The following PHF21B variants were observed in gnomAD, a reference collection of about 807,000 sequenced individuals.
The protein encoded by PHF21B is PHD finger protein 21B.
In PHF21B, 22 loss-of-function variants were observed where a neutral mutation model predicts 62.2. That is an observed-to-expected ratio of 0.35 (90% CI 0.25 to 0.51). The LOEUF (loss-of-function observed/expected upper bound fraction) is 0.51. Ranked by LOEUF, PHF21B falls within the 20% of genes least tolerant of loss-of-function variation. PHF21B has a pLI of 0.97. For synonymous variants in PHF21B, 341 were observed against 314.7 expected (o/e 1.08, Z -0.88); for missense variants, 701 against 707.9 (o/e 0.99, Z 0.11).
At chr22:45,006,839 C>A (rs573729080) in intron 2 of PHF21B, among the ~76,000 whole-genome samples, 1 of 151,148 alleles carries the variant, frequency 6.6e-6, no homozygotes, top group African/African-American at 2.4e-5. Flanking sequence ...CACACTGGAC[C>A]AGATCTGGTG....
Position 44,993,549 on chromosome 22 carries a change from C to A in PHF21B, c.120+14996G>T, listed in dbSNP as rs370688404. 4.1e-4 allele frequency among the ~76,000 whole-genome samples: 62 copies of A among 152,378 alleles called. No individual in the cohort carries two copies. The East Asian group carries it at 0.012, about 29-fold the overall frequency. On this transcript the variant is annotated intron_variant, in intron 2 of 12. Transcript: ENST00000313237. ...AGAACAGCGAGTCCAGAACCGCTCCCACACACGGCAACGTGCAGTTGACAC... is the reference window on the plus strand; with the variant it reads ...AGAACAGCGAGTCCAGAACCGCTCCAACACACGGCAACGTGCAGTTGACAC...
chr22:44,926,546 C>T (rs965473561), intron 2 of PHF21B, among the ~76,000 whole-genome samples: 3 of 152,226 alleles, frequency 2.0e-5, no homozygotes, highest in Non-Finnish European at 4.4e-5. Flanking sequence ...TCCAAGCCCA[C>T]ATGTGCCTCT....
chr22:44,963,094 C>G (rs540691805), intron 2 of PHF21B, among the ~76,000 whole-genome samples: 3 of 152,252 alleles, frequency 2.0e-5, no homozygotes, highest in African/African-American at 7.2e-5. Flanking sequence ...CCAGATCCCT[C>G]CTCGTAACAG....
rs182100113 is a variant in PHF21B at position 44,960,041 on chromosome 22, C to T, written c.121-39551G>A. On this transcript the variant is annotated intron_variant, in intron 2 of 12. Transcript: ENST00000313237. ...CTCAGCACCGGACGTGTCTCTAGTC[C>T]TGCAACCCTCTCTAATGGCTGAAAC... Among the ~76,000 whole-genome samples the T allele has an allele frequency of 2.5e-3, 382 of 152,324 alleles. 5 individuals are homozygous for T. Among genetic ancestry groups the T allele is most frequent in the South Asian group, 0.017 (81 of 4,826 alleles).
intron 3 of PHF21B, among the ~76,000 whole-genome samples, chr22:44,918,041 T>C (rs2071469949): frequency 6.6e-6 from 1 of 152,246 alleles, no homozygotes; most frequent in Non-Finnish European, 1.5e-5. Flanking sequence ...ACTCTGTCCT[T>C]GGCACCAGAG....
At chr22:45,004,577 T>A (rs1156548696) in intron 2 of PHF21B, among the ~76,000 whole-genome samples, 1 of 152,226 alleles carries the variant, frequency 6.6e-6, no homozygotes, top group Non-Finnish European at 1.5e-5. Context: ...ACTGGCACTT[T>A]ACATCAGAGA....
chr22:45,000,191 CAAAGTT>C (rs1569284603), intron 2 of PHF21B, among the ~76,000 whole-genome samples: 2 of 152,238 alleles, frequency 1.3e-5, no homozygotes, highest in African/African-American at 4.8e-5. Flanking sequence ...CTCTCGGAGA[CAAAGTT>C]AAAAGCCTTC....
intron 2 of PHF21B, among the ~76,000 whole-genome samples, chr22:44,945,236 C>G (rs2072043550): frequency 6.6e-6 from 1 of 152,218 alleles, no homozygotes; most frequent in Non-Finnish European, 1.5e-5. Context: ...TTGGGAGGCC[C>G]ATGGGCACCT....
intron 8 of PHF21B, among the ~76,000 whole-genome samples, chr22:44,890,063 C>A (rs12159861): frequency 6.6e-6 from 1 of 150,650 alleles, no homozygotes; most frequent in Non-Finnish European, 1.5e-5. Context: ...TATCACAAGG[C>A]CCCCATGACA....
chr22:44,900,887 G>A (rs1430515682), intron 5 of PHF21B, among the ~76,000 whole-genome samples: 2 of 150,894 alleles, frequency 1.3e-5, no homozygotes, highest in East Asian at 2.0e-4. Flanking sequence ...TTTTCCCCCT[G>A]GAGCACACAT....
intron 6 of PHF21B, among the ~76,000 whole-genome samples, chr22:44,894,504 C>T (rs867214745): frequency 6.6e-6 from 1 of 152,148 alleles, no homozygotes; most frequent in African/African-American, 2.4e-5. Context: ...TCTGTGGCAC[C>T]GTGGTTTCGG....
In PHF21B at chr22:44,940,191, T is replaced by C. The variant is rs545004269; in HGVS notation, c.121-19701A>G. ...CTTAGATCACCAGTTTTTCCGCACCTCCTCTTGGCAAGAGGGCCTGAACCT... is the reference window on the plus strand; with the variant it reads ...CTTAGATCACCAGTTTTTCCGCACCCCCTCTTGGCAAGAGGGCCTGAACCT... On this transcript the variant is annotated intron_variant, in intron 2 of 12. Coordinates refer to ENST00000313237, the MANE Select transcript of PHF21B (RefSeq NM_138415.5). Among the ~76,000 whole-genome samples the C allele has an allele frequency of 3.4e-4, 51 of 152,226 alleles. 1 individual carries two copies. The South Asian group carries it at 0.01, about 31-fold the overall frequency.
At chr22:44,951,634 T>A (rs1046437960) in intron 2 of PHF21B, among the ~76,000 whole-genome samples, 6 of 152,262 alleles carry the variant, frequency 3.9e-5, no homozygotes, top group Non-Finnish European at 8.8e-5. Context: ...TTTTCATTGC[T>A]GCATAGTATT....
chr22:44,943,447 G>A (rs773989214), intron 2 of PHF21B, among the ~76,000 whole-genome samples: 11 of 152,170 alleles, frequency 7.2e-5, no homozygotes, highest in Non-Finnish European at 1.5e-4. Context: ...GTTTGGGAAC[G>A]ATGAGCATGT....
At chr22:44,956,626 C>A (rs762556113) in intron 2 of PHF21B, among the ~76,000 whole-genome samples, 8 of 150,996 alleles carry the variant, frequency 5.3e-5, no homozygotes, top group Non-Finnish European at 1.0e-4. Flanking sequence ...GGCTGCTGCC[C>A]AGGGAGACCT....
At chr22:44,971,185 GGGCTCCTCACTCAC>G (rs1266759376) in intron 2 of PHF21B, 5 of 152,190 alleles carry the variant, frequency 3.3e-5, no homozygotes, top group African/African-American at 1.2e-4. Context: ...TTCAACCACA[GGGCTCCTCACTCAC>G]GGCTGGACCC....
intron 4 of PHF21B, among the ~76,000 whole-genome samples, chr22:44,915,637 G>A (rs945347876): frequency 4.1e-4 from 62 of 152,326 alleles, no homozygotes; most frequent in Middle Eastern, 3.4e-3. Context: ...CATCCAGGCT[G>A]GGGAAGCAGA....
chr22:44,972,986 G>A (rs1321865663), intron 2 of PHF21B, among the ~76,000 whole-genome samples: 1 of 152,214 alleles, frequency 6.6e-6, no homozygotes, highest in African/African-American at 2.4e-5. Context: ...GTCCTCAGCT[G>A]TGAGAATGAC....
chr22:44,904,506 G>GTATAAAATA (rs1555934863), intron 5 of PHF21B, among the ~76,000 whole-genome samples: 1 of 143,214 alleles, frequency 7.0e-6, no homozygotes, highest in Admixed American at 7.0e-5. Context: ...ACTTAACTGA[G>GTATAAAATA]CTTCCAGAAG....
Sources: allele counts gnomAD v4.1 joint callset (sites outside exome capture counted in the v4.1 genomes callset), GRCh38; gene constraint gnomAD v4.1.1; transcripts MANE v1.5; gene names NCBI Gene and HGNC (gene_info 2026-07-23, HGNC 2026-07-21).